ZFYVE26: variants seen among roughly 807,000 people sequenced by gnomAD.
The protein encoded by ZFYVE26 is zinc finger FYVE domain-containing protein 26.
A neutral mutation model predicts 276.5 loss-of-function variants in ZFYVE26; 181 were observed. The ratio of observed to expected loss-of-function variants is 0.65; its 90% CI spans 0.58 to 0.74. ZFYVE26 has a LOEUF of 0.74. ZFYVE26 is among the 30% of genes least tolerant of loss of function. The pLI, the probability that ZFYVE26 is intolerant of heterozygous loss-of-function variation, is 0.00. For missense variants in ZFYVE26, 2,821 were observed against 3,097.9 expected (o/e 0.91, Z 2.12); for synonymous variants, 1,129 against 1,203.1 (o/e 0.94, Z 1.27).
intron 2 of ZFYVE26, 113 bp downstream of exon 2, chr14:67,815,657 C>T: frequency 9.8e-7 from 1 of 1,021,062 alleles, no homozygotes; most frequent in Middle Eastern, 3.0e-4. Context: ...ATACACTGTG[C>T]CTCTGCTTAT....
chr14:67,733,055 G>T (rs534981532), intron 13 of ZFYVE26, among the ~76,000 whole-genome samples: 34 of 151,932 alleles, frequency 2.2e-4, no homozygotes, highest in Non-Finnish European at 4.4e-4. Flanking sequence ...ACACCAACAT[G>T]GCACATGTAT....
chr14:67,802,207 A>G lies in ZFYVE26; in HGVS notation c.1511T>C (p.Met504Thr), dbSNP rs752693745. Residue 504 changes from methionine to threonine, a missense_variant, in exon 10 of 42, where the codon ATG (methionine) becomes ACG (threonine). By Grantham distance (81) the Met-to-Thr change is moderately conservative. Coordinates refer to ENST00000347230, the MANE Select transcript of ZFYVE26 (RefSeq NM_015346.4). ...ACAGAGGGCATAGATGGCATACTTC[A>G]TGGCACAGAAGCCCTGGTAGAGTGT... ...NLTLYQGFCA[M>T]KYAIYALCVN... 5.0e-6 allele frequency: 8 copies of G among 1,614,232 alleles called. No homozygotes were observed. In the Admixed American group the frequency reaches 1.2e-4, roughly 24 times the overall value.
intron 13 of ZFYVE26, among the ~76,000 whole-genome samples, chr14:67,737,620 G>A (rs2038367456): frequency 1.3e-5 from 2 of 152,150 alleles, no homozygotes; most frequent in South Asian, 4.1e-4. Flanking sequence ...ACCATAGGAG[G>A]GAATCTGGGT....
intron 13 of ZFYVE26, chr14:67,729,947 C>G: frequency 2.6e-6 from 1 of 392,142 alleles, no homozygotes; most frequent in Non-Finnish European, 5.0e-6. Flanking sequence ...GAATCCAGCC[C>G]TGTCTGCTCT....
chr14:67,739,521 T>TC (rs2038391245), intron 13 of ZFYVE26, among the ~76,000 whole-genome samples: 1 of 152,124 alleles, frequency 6.6e-6, no homozygotes, highest in Admixed American at 6.6e-5. Flanking sequence ...TAATTTTTTT[T>TC]TTTACTTTTT....
intron 32 of ZFYVE26, among the ~76,000 whole-genome samples, chr14:67,765,516 T>C (rs1396454390): frequency 6.6e-6 from 1 of 152,156 alleles, no homozygotes; most frequent in East Asian, 1.9e-4. Flanking sequence ...AGGGAGGCAA[T>C]GATACCGCAG....
intron 36 of ZFYVE26, 43 bp from the exon 37 acceptor site, chr14:67,755,293 G>C (rs767665741): frequency 1.2e-6 from 2 of 1,606,454 alleles, no homozygotes; most frequent in Middle Eastern, 1.7e-4. Flanking sequence ...TAGATCAGGG[G>C]TTTGGAGGGT....
intron 13 of ZFYVE26, among the ~76,000 whole-genome samples, chr14:67,737,088 C>CTTTTTTTTTTTTTTTTT (rs71129855): frequency 8.6e-5 from 9 of 104,796 alleles, no homozygotes; most frequent in East Asian, 2.7e-4. Context: ...TTTTTCTTTT[C>CTTTTTTTTTTTTTTTTT]TTTTTTTTTT....
At chr14:67,805,709 G>A in intron 6 of ZFYVE26, 91 bp from the exon 7 acceptor site, 2 of 1,430,572 alleles carry the variant, frequency 1.4e-6, no homozygotes, top group South Asian at 2.3e-5. Context: ...AAGTATTTTA[G>A]TACAGCAGGG....
chr14:67,778,296 T>C lies in ZFYVE26; in HGVS notation c.4675-48A>G, dbSNP rs576106695. ...TCAACCCCTTTACATGACTGCCTGA[T>C]TCTTCTCAGCAGTCTTGAGTCTACA... is the stretch of plus-strand genomic sequence containing the variant. On this transcript the variant is annotated intron_variant, in intron 23 of 41. Transcript: ENST00000347230. 4 of 1,613,074 alleles carry C rather than the reference T, an allele frequency of 2.5e-6. No homozygotes were observed. The African/African-American group carries it at 5.3e-5, about 21-fold the overall frequency.
At chr14:67,792,130 A>G (rs2039830734) in intron 14 of ZFYVE26, among the ~76,000 whole-genome samples, 1 of 151,934 alleles carries the variant, frequency 6.6e-6, no homozygotes, top group African/African-American at 2.4e-5. Flanking sequence ...GATCATAATT[A>G]TAATTATCAT....
intron 14 of ZFYVE26, among the ~76,000 whole-genome samples, chr14:67,792,577 T>C (rs2039841735): frequency 6.6e-6 from 1 of 152,182 alleles, no homozygotes; most frequent in African/African-American, 2.4e-5. Flanking sequence ...TATTCTAGTC[T>C]GCTAGCTCTC....
intron 8 of ZFYVE26, among the ~76,000 whole-genome samples, chr14:67,804,964 G>A (rs1037645684): frequency 1.8e-4 from 27 of 152,202 alleles, no homozygotes; most frequent in African/African-American, 3.4e-4. Flanking sequence ...AAGTGCACTG[G>A]AAATGCGAGC....
At chr14:67,812,663 C>A (rs938664380) in intron 3 of ZFYVE26, among the ~76,000 whole-genome samples, 1 of 152,104 alleles carries the variant, frequency 6.6e-6, no homozygotes, top group African/African-American at 2.4e-5. Context: ...AAAACAAGAA[C>A]GGGAAGTGGA....
At position 67,808,080 on chromosome 14, in the gene ZFYVE26, C is replaced by G. The variant is rs536600572; in HGVS notation, c.364-160G>C. Among the ~76,000 whole-genome samples the G allele has an allele frequency of 5.3e-5, 8 of 152,284 alleles. No homozygotes were observed. In the South Asian group the frequency reaches 1.2e-3, roughly 24 times the overall value. On this transcript the variant is annotated intron_variant, in intron 4 of 41. Transcript: ENST00000347230. ...ATGTGTTAGACATTGTTCTAAGGCC[C>G]TTTACACAGAAAAATCAAATTAATC...
At chr14:67,745,108 A>C (rs1254872388), downstream of ZFYVE26, among the ~76,000 whole-genome samples, 3 of 152,196 alleles carry the variant, frequency 2.0e-5, no homozygotes, top group Non-Finnish European at 4.4e-5. Flanking sequence ...TTGCCATTCT[A>C]ACTGGCGTGA....
At chr14:67,735,204 T>G in intron 13 of ZFYVE26, 1 of 1,447,472 alleles carries the variant, frequency 6.9e-7, no homozygotes, top group East Asian at 2.3e-5. Flanking sequence ...GATTCCAGAC[T>G]CCATCATTTC....
chr14:67,743,665 G>A (rs2140171604), downstream of ZFYVE26, among the ~76,000 whole-genome samples: 1 of 152,304 alleles, frequency 6.6e-6, no homozygotes, highest in African/African-American at 2.4e-5. Context: ...CAGCCTTGGG[G>A]TGAGTTCCAG....
In ZFYVE26 at chr14:67,752,460, A is replaced by G; in HGVS notation, c.7255T>C (p.Tyr2419His). 3.1e-6 allele frequency: 5 copies of G among 1,614,096 alleles called. No homozygotes were observed. Among genetic ancestry groups the G allele is most frequent in the Non-Finnish European group, 4.2e-6 (5 of 1,180,030 alleles). The change falls in exon 40 of 42, where the codon TAC becomes CAC. Residue 2419 changes from tyrosine to histidine, a missense_variant. Tyr to His is a moderately conservative substitution (Grantham distance 83). Coordinates refer to ENST00000347230, the MANE Select transcript of ZFYVE26 (RefSeq NM_015346.4). Reference protein sequence around the residue: ...AARQLVEKEKYSEIQQLLKCV... With the variant: ...AARQLVEKEKHSEIQQLLKCV... ...TTGAGCAGTTGCTGGATCTCACTGT[A>G]CTTCTCTTTCTCCACCAACTGGCGG...
Sources: allele counts gnomAD v4.1 joint callset (sites outside exome capture counted in the v4.1 genomes callset), GRCh38; gene constraint gnomAD v4.1.1; transcripts MANE v1.5; gene names NCBI Gene and HGNC (gene_info 2026-07-23, HGNC 2026-07-21).